Variants in RBM19 observed in about 807,000 individuals in gnomAD.
The protein encoded by RBM19 is RNA binding motif protein 19, also known as probable RNA-binding protein 19.
RBM19 carries 94 observed loss-of-function variants against 116.8 expected under a neutral mutation model. That is an observed-to-expected ratio of 0.80 (90% confidence interval 0.68 to 0.95). The LOEUF is 0.95. RBM19 is among the 40% of genes least tolerant of loss of function. The pLI, the probability that RBM19 is intolerant of heterozygous loss-of-function variation, is 0.00. For synonymous variants in RBM19, 475 were observed against 494.1 expected (o/e 0.96, Z 0.51); for missense variants, 1,161 against 1,220.7 (o/e 0.95, Z 0.73).
intron 18 of RBM19, among the ~76,000 whole-genome samples, chr12:113,922,750 C>T (rs1025895322): frequency 1.8e-4 from 28 of 152,140 alleles, no homozygotes; most frequent in African/African-American, 6.7e-4. Flanking sequence ...TGAACAGTGT[C>T]TTCCCAGACT....
intron 23 of RBM19, among the ~76,000 whole-genome samples, chr12:113,838,430 G>C (rs999280939): frequency 1.3e-5 from 2 of 152,078 alleles, no homozygotes; most frequent in Non-Finnish European, 1.5e-5. Flanking sequence ...GGGAGAACAT[G>C]CAAACTCCAC....
At chr12:113,913,031 A>T (rs534776700) in intron 21 of RBM19, among the ~76,000 whole-genome samples, 2 of 152,278 alleles carry the variant, frequency 1.3e-5, no homozygotes, top group South Asian at 4.2e-4. Flanking sequence ...AAGAGTCACC[A>T]CATGTAATTA....
chr12:113,869,896 C>T (rs921479158), intron 21 of RBM19, among the ~76,000 whole-genome samples: 2 of 152,188 alleles, frequency 1.3e-5, no homozygotes, highest in Non-Finnish European at 1.5e-5. Flanking sequence ...GAACATTGTG[C>T]CTAACTTGAC....
chr12:113,882,631 GA>G (rs1210904988), intron 21 of RBM19, among the ~76,000 whole-genome samples: 1 of 152,234 alleles, frequency 6.6e-6, no homozygotes, highest in Non-Finnish European at 1.5e-5. Context: ...CGGGGGGAGG[GA>G]GAAGACTGAG....
rs1593484723 is a variant in RBM19 at position 113,853,109 on chromosome 12, GT to G, written c.2664+5681del. 5.3e-5 allele frequency among the ~76,000 whole-genome samples: 8 copies of G among 152,360 alleles called. No homozygotes were observed. In the South Asian group the frequency reaches 1.5e-3, roughly 28 times the overall value. ...CACAGAACACTCCTCGAGAGGCCCA[GT>G]GCGAGCTTCTGCCAAAACACTGGCA... On this transcript the variant is annotated intron_variant, in intron 22 of 23. Coordinates refer to ENST00000261741, the MANE Select transcript of RBM19 (RefSeq NM_016196.4).
chr12:113,961,760 T>C (rs1379343618), intron 2 of RBM19, among the ~76,000 whole-genome samples: 1 of 152,222 alleles, frequency 6.6e-6, no homozygotes, highest in Non-Finnish European at 1.5e-5. Flanking sequence ...CACCCTATCA[T>C]AGCACTGATG....
At chr12:113,952,772 G>C (rs1366051145) in intron 7 of RBM19, among the ~76,000 whole-genome samples, 182 bp from the exon 8 acceptor site, 1 of 152,142 alleles carries the variant, frequency 6.6e-6, no homozygotes, top group Non-Finnish European at 1.5e-5. Flanking sequence ...AAGAAAATTG[G>C]AGGAGAAATG....
intron 22 of RBM19, among the ~76,000 whole-genome samples, chr12:113,848,747 C>G (rs1016270773): frequency 1.3e-5 from 2 of 152,152 alleles, no homozygotes; most frequent in African/African-American, 4.8e-5. Context: ...TTCTCCCAAG[C>G]GTTTTTCTAA....
At position 113,947,389 on chromosome 12, in the gene RBM19, A is replaced by G; in HGVS notation, c.1352T>C (p.Met451Thr). Residue 451 changes from methionine (M) to threonine (T), a missense_variant, in exon 11 of 24, where the codon ATG (methionine) becomes ACG (threonine). Physicochemically the swap from Met to Thr is moderately conservative, Grantham distance 81. Transcript: ENST00000261741. Reference protein sequence around the residue: ...KPKGFAFITFMFPEHAVKAYS... With the variant: ...KPKGFAFITFTFPEHAVKAYS... ...GGCCTTCACAGCGTGCTCAGGGAACATGAAGGTGATGAATGCAAAACCCTT... is the reference window on the plus strand; with the variant it reads ...GGCCTTCACAGCGTGCTCAGGGAACGTGAAGGTGATGAATGCAAAACCCTT... 6.2e-7 allele frequency: 1 copy of G among 1,611,776 alleles called. No individual in the cohort carries two copies.
intron 16 of RBM19, among the ~76,000 whole-genome samples, chr12:113,933,519 G>A (rs770363944): frequency 6.7e-6 from 1 of 148,256 alleles, no homozygotes; most frequent in East Asian, 2.0e-4. Flanking sequence ...ACAACTTCCC[G>A]GGCCAAAGGA....
At position 113,847,059 on chromosome 12, in the gene RBM19, T is replaced by C. The variant is rs1175167601; in HGVS notation, c.2665-2271A>G. ...TCCGGTCTGTGGCGTTTTGTTATAG[T>C]AGCCCTAGGGAAAGGACGCAATGCC... On this transcript the variant is annotated intron_variant, in intron 22 of 23. Coordinates refer to ENST00000261741, the MANE Select transcript of RBM19 (RefSeq NM_016196.4). Among the ~76,000 whole-genome samples the C allele has an allele frequency of 2.6e-5, 4 of 152,200 alleles. No individual in the cohort carries two copies. In the South Asian group the frequency reaches 8.3e-4, roughly 32 times the overall value.
chr12:113,930,947 T>C (rs1484428328), intron 16 of RBM19, among the ~76,000 whole-genome samples: 1 of 152,056 alleles, frequency 6.6e-6, no homozygotes, highest in African/African-American at 2.4e-5. Context: ...CACCCTTACC[T>C]ATAAAATAGA....
downstream of RBM19, among the ~76,000 whole-genome samples, chr12:113,820,745 G>C (rs1874363111): frequency 6.6e-6 from 1 of 152,166 alleles, no homozygotes; most frequent in African/African-American, 2.4e-5. Flanking sequence ...CTTCCAAACA[G>C]TGCGTGCCTG....
chr12:113,836,821 T>TACACACACACAC (rs1565964414), intron 23 of RBM19, among the ~76,000 whole-genome samples: 3 of 138,132 alleles, frequency 2.2e-5, no homozygotes, highest in African/African-American at 8.2e-5. Flanking sequence ...ACTTACTACA[T>TACACACACACAC]ACATACACAC....
chr12:113,966,260 C>G lies in RBM19; in HGVS notation c.-33G>C. The G allele has an allele frequency of 2.5e-6, 4 of 1,613,778 alleles. No individual in the cohort carries two copies. Among genetic ancestry groups the G allele is most frequent in the Non-Finnish European group, 3.4e-6 (4 of 1,179,976 alleles). ...GGTCCCCGCTGTTTTGATTCCAACA[C>G]GACTGGTCAGCGTCTTCCACCAAGT... On this transcript the variant is annotated 5_prime_UTR_variant, in exon 1 of 24. Transcript: ENST00000261741.
chr12:113,844,934 G>C, intron 22 of RBM19, 146 bp from the exon 23 acceptor site: 1 of 1,162,608 alleles, frequency 8.6e-7, no homozygotes. Flanking sequence ...GAGGGTTTGG[G>C]GAGCGGTTGG....
intron 16 of RBM19, among the ~76,000 whole-genome samples, chr12:113,936,116 T>A (rs565442064): frequency 4.0e-4 from 61 of 152,164 alleles, no homozygotes; most frequent in Non-Finnish European, 7.6e-4. Flanking sequence ...TGAAATGTCC[T>A]TTAAAAAAAA....
At position 113,954,641 on chromosome 12, in the gene RBM19, G is replaced by A. The variant is rs75701444; in HGVS notation, c.921+490C>T. On this transcript the variant is annotated intron_variant, in intron 7 of 23. Transcript: ENST00000261741. The stretch of plus-strand genomic sequence containing the variant: ...TTCTATATTGAACTACTACTTTCAC[G>A]AAGAACGAAAATTAAGTGTTCTTCT... Among the ~76,000 whole-genome samples the A allele has an allele frequency of 1.4e-3, 206 of 152,234 alleles. 4 individuals carry two copies. The East Asian group carries it at 0.032, about 24-fold the overall frequency.
chr12:113,830,593 G>GGGGGGGC (rs1875325701), intron 23 of RBM19, among the ~76,000 whole-genome samples: 1 of 57,968 alleles, frequency 1.7e-5, no homozygotes, highest in Non-Finnish European at 3.4e-5. Context: ...GGGGGGGTGG[G>GGGGGGGC]CTATGCCTGG....
Sources: allele counts gnomAD v4.1 joint callset (sites outside exome capture counted in the v4.1 genomes callset), GRCh38; gene constraint gnomAD v4.1.1; transcripts MANE v1.5; gene names NCBI Gene and HGNC (gene_info 2026-07-23, HGNC 2026-07-21).